JAKMIP1: variants seen among roughly 807,000 people sequenced by gnomAD.
JAKMIP1 encodes the protein janus kinase and microtubule-interacting protein 1.
Under a neutral mutation model 113.0 loss-of-function variants are expected in JAKMIP1, and 33 were observed. The observed-to-expected ratio is 0.29, with a 90% CI of 0.22 to 0.39. The LOEUF (loss-of-function observed/expected upper bound fraction) is 0.39. Ranked by LOEUF, JAKMIP1 falls within the 10% of genes least tolerant of loss-of-function variation. JAKMIP1 has a pLI of 1.00. For synonymous variants in JAKMIP1, 480 were observed against 459.9 expected, an observed-to-expected ratio of 1.04 and a Z score of -0.56; for missense variants, 813 against 1,080.5, an observed-to-expected ratio of 0.75 and a Z score of 3.47.
chr4:6,136,821 C>T lies in JAKMIP1; in HGVS notation c.-147-23824G>A, dbSNP rs976778225. Among the ~76,000 whole-genome samples, 2 of 152,222 alleles carry T rather than the reference C, an allele frequency of 1.3e-5. No homozygotes were observed. Among genetic ancestry groups the T allele is most frequent in the African/African-American group, 4.8e-5 (2 of 41,454 alleles). On this transcript the variant is annotated intron_variant, in intron 1 of 20. Transcript: ENST00000409021. The surrounding 1 kb of genome is among the most constrained non-coding windows in gnomAD (Gnocchi z 5.9). The stretch of plus-strand genomic sequence containing the variant: ...CTACACAGAAAGCCCTCGAGAACCA[C>T]TGGCAGAAAGCAAAAAGCTAGTTAC...
chr4:6,059,493 C>G lies in JAKMIP1; in HGVS notation c.1644+931G>C, dbSNP rs575981420. Among the ~76,000 whole-genome samples the G allele has an allele frequency of 1.2e-4, 19 of 152,234 alleles. No individual in the cohort carries two copies. Among genetic ancestry groups the G allele is most frequent in the African/African-American group, 4.6e-4 (19 of 41,546 alleles). Reference sequence around the variant, plus strand: ...GGTAGACCTTGCCTGGCCTCCTCAGCCCCCCATAGATGCCTCTCTGCAGGC... The same window carrying G: ...GGTAGACCTTGCCTGGCCTCCTCAGGCCCCCATAGATGCCTCTCTGCAGGC... On this transcript the variant is annotated intron_variant, in intron 11 of 20. Coordinates refer to ENST00000409021, the MANE Select transcript of JAKMIP1 (RefSeq NM_001099433.2). This position sits in a 1 kb window ranked among gnomAD's most constrained non-coding sequence, Gnocchi z 4.8.
Position 6,158,995 on chromosome 4 carries a change from A to G in JAKMIP1, c.-148+41258T>C, listed in dbSNP as rs1722585430. ...TCCCAGCTATTCAAGAGGCTGAGGT[A>G]GGAAGATAGCTTGAGCCCTGGAGGT... On this transcript the variant is annotated intron_variant, in intron 1 of 20. Coordinates refer to ENST00000409021, the MANE Select transcript of JAKMIP1 (RefSeq NM_001099433.2). This position sits in a 1 kb window ranked among gnomAD's most constrained non-coding sequence, Gnocchi z 5.3. 6.6e-6 allele frequency among the ~76,000 whole-genome samples: 1 copy of G among 151,920 alleles called. No individual in the cohort carries two copies. Among genetic ancestry groups the G allele is most frequent in the Admixed American group, 6.6e-5 (1 of 15,246 alleles).
intron 3 of JAKMIP1, among the ~76,000 whole-genome samples, chr4:6,090,203 C>T (rs1235449131): frequency 1.3e-5 from 2 of 150,360 alleles, no homozygotes; most frequent in Non-Finnish European, 2.9e-5. Flanking sequence ...GCCTGGGTGA[C>T]AGAGTGAGAG....
Position 6,065,067 on chromosome 4 carries a change from T to C in JAKMIP1, c.1303-59A>G, listed in dbSNP as rs1392630385. On this transcript the variant is annotated intron_variant, in intron 8 of 20. Transcript: ENST00000409021. The surrounding 1 kb of genome is among the most constrained non-coding windows in gnomAD (Gnocchi z 5.1). ...ACTGAGGATTGCCAGAGTCTACCAG[T>C]CCCTGGTCGTGGGCATGCCAGTGCA... 3.1e-6 allele frequency: 5 copies of C among 1,604,334 alleles called. No individual in the cohort carries two copies. Among genetic ancestry groups the C allele is most frequent in the East Asian group, 2.2e-5 (1 of 44,804 alleles).
At chr4:6,052,438 G>A (rs1459203142) in intron 13 of JAKMIP1, among the ~76,000 whole-genome samples, 1 of 152,002 alleles carries the variant, frequency 6.6e-6, no homozygotes, top group African/African-American at 2.4e-5. Context: ...CTTGAGGTCA[G>A]GAGTTTGAGA....
chr4:6,175,936 C>T (rs1232803368), intron 1 of JAKMIP1, among the ~76,000 whole-genome samples: 2 of 152,208 alleles, frequency 1.3e-5, no homozygotes, highest in Non-Finnish European at 2.9e-5. Flanking sequence ...AACGGTGCTA[C>T]CACTGTCCAC....
intron 1 of JAKMIP1, among the ~76,000 whole-genome samples, chr4:6,174,163 A>G (rs1725066381): frequency 6.6e-6 from 1 of 152,240 alleles, no homozygotes; most frequent in Non-Finnish European, 1.5e-5. Flanking sequence ...AATCGTTGCA[A>G]TAATACCCTA....
In JAKMIP1 at chr4:6,142,171, T is replaced by C. The variant is rs1720253750; in HGVS notation, c.-147-29174A>G. 6.6e-6 allele frequency among the ~76,000 whole-genome samples: 1 copy of C among 152,204 alleles called. No homozygotes were observed. Among genetic ancestry groups the C allele is most frequent in the Non-Finnish European group, 1.5e-5 (1 of 68,034 alleles). On this transcript the variant is annotated intron_variant, in intron 1 of 20. Transcript: ENST00000409021. The surrounding 1 kb of genome is among the most constrained non-coding windows in gnomAD (Gnocchi z 5.5). ...CTCTGAAGAGTGGTGGAGGCCTTCC[T>C]ACCTCATTCCATCCTGGATTTAGGG...
chr4:6,152,556 G>A (rs1721698835), intron 1 of JAKMIP1, among the ~76,000 whole-genome samples: 2 of 152,126 alleles, frequency 1.3e-5, no homozygotes, highest in African/African-American at 4.8e-5. Context: ...ATATTTATGT[G>A]ACCCTTTAAC....
Position 6,078,281 on chromosome 4 carries a change from C to G in JAKMIP1, c.1302+658G>C, listed in dbSNP as rs182900474. 6.0e-5 allele frequency among the ~76,000 whole-genome samples: 9 copies of G among 149,050 alleles called. No homozygotes were observed. In the East Asian group the frequency reaches 1.8e-3, roughly 29 times the overall value. The stretch of plus-strand genomic sequence containing the variant: ...AGTGAGCCGAGATGGTGTCACTGCA[C>G]TCCAGCCTGGACAACAGAGTGAGAC... On this transcript the variant is annotated intron_variant, in intron 8 of 20. Transcript: ENST00000409021.
At chr4:6,091,146 A>G (rs368456571) in intron 3 of JAKMIP1, among the ~76,000 whole-genome samples, 14 of 152,248 alleles carry the variant, frequency 9.2e-5, no homozygotes, top group East Asian at 5.8e-4. Flanking sequence ...TTTATCAGAC[A>G]GGGTGTGGGT....
intron 3 of JAKMIP1, among the ~76,000 whole-genome samples, chr4:6,091,348 TAC>T (rs1284973797): frequency 1.3e-5 from 2 of 152,184 alleles, no homozygotes; most frequent in Non-Finnish European, 2.9e-5. Context: ...CTTGTGCAAA[TAC>T]ACAGAGTATT....
chr4:6,134,308 T>C (rs761577658), intron 1 of JAKMIP1, among the ~76,000 whole-genome samples: 2 of 152,212 alleles, frequency 1.3e-5, no homozygotes, highest in African/African-American at 2.4e-5. Flanking sequence ...CGCTTTTCTT[T>C]ATAAATGACC....
intron 1 of JAKMIP1, among the ~76,000 whole-genome samples, chr4:6,122,920 G>A (rs1269690111): frequency 6.6e-6 from 1 of 152,130 alleles, no homozygotes; most frequent in Non-Finnish European, 1.5e-5. Flanking sequence ...TCCTCCTAAG[G>A]TTGTTTTGGG....
At chr4:6,145,843 T>C (rs911445487) in intron 1 of JAKMIP1, among the ~76,000 whole-genome samples, 3 of 152,156 alleles carry the variant, frequency 2.0e-5, no homozygotes, top group African/African-American at 7.2e-5. Context: ...CATGTCCTAA[T>C]ATCTCCTCAT....
Position 6,168,988 on chromosome 4 carries a change from G to C in JAKMIP1, c.-148+31265C>G, listed in dbSNP as rs567914326. The stretch of plus-strand genomic sequence containing the variant: ...TCACGTGAAAGGAAGAGTTGGTGGT[G>C]GGGACTGTTAATAGGCATTGGATTT... On this transcript the variant is annotated intron_variant, in intron 1 of 20. Coordinates refer to ENST00000409021, the MANE Select transcript of JAKMIP1 (RefSeq NM_001099433.2). This position sits in a 1 kb window ranked among gnomAD's most constrained non-coding sequence, Gnocchi z 4.6. Among the ~76,000 whole-genome samples the C allele has an allele frequency of 3.9e-5, 6 of 152,246 alleles. No individual in the cohort carries two copies. The East Asian group carries it at 7.7e-4, about 20-fold the overall frequency.
In JAKMIP1 at chr4:6,155,919, C is replaced by T. The variant is rs1400192384; in HGVS notation, c.-147-42922G>A. On this transcript the variant is annotated intron_variant, in intron 1 of 20. Coordinates refer to ENST00000409021, the MANE Select transcript of JAKMIP1 (RefSeq NM_001099433.2). The surrounding 1 kb of genome is among the most constrained non-coding windows in gnomAD (Gnocchi z 6.1). ...AAGTTTGCACATACATTTTTCTGTG[C>T]GGTAATGTGTGAGAACCGCTGCTGG... 6.6e-6 allele frequency among the ~76,000 whole-genome samples: 1 copy of T among 152,062 alleles called. No individual in the cohort carries two copies. The highest frequency in any genetic ancestry group is 1.5e-5 in the Non-Finnish European group (1 of 68,020).
In JAKMIP1 at chr4:6,098,674, AAG is replaced by A. The variant is rs1336280075; in HGVS notation, c.624+6797_624+6798del. On this transcript the variant is annotated intron_variant, in intron 3 of 20. Transcript: ENST00000409021. ...GAAAGGAAAGGAAGAAAGAGAGAGA[AAG>A]AAAGAAAGAAAGAAAGAAAGAAAGA... Among the ~76,000 whole-genome samples, 15 of 12,352 alleles carry A rather than the reference AAG, an allele frequency of 1.2e-3. No homozygotes were observed. In the East Asian group the frequency reaches 0.08, roughly 66 times the overall value. 8.1% of individuals were successfully genotyped at this position (12,352 alleles called of 152,430 possible).
intron 1 of JAKMIP1, among the ~76,000 whole-genome samples, chr4:6,177,441 C>T (rs1470878581): frequency 6.6e-6 from 1 of 152,218 alleles, no homozygotes; most frequent in Non-Finnish European, 1.5e-5. Context: ...TCATCACCTA[C>T]TCCAACAAGC....
Sources: gnomAD v4.1 joint callset for allele counts (sites outside exome capture counted in the v4.1 genomes callset) on GRCh38, gnomAD v4.1.1 for gene constraint, Gnocchi (gnomAD v3.1) non-coding constraint, MANE v1.5 for transcripts, NCBI Gene and HGNC (gene_info 2026-07-23, HGNC 2026-07-21) for gene names.